The following CMIP variants were observed in gnomAD, a reference collection of about 807,000 sequenced individuals.
CMIP encodes C-Maf-inducing protein.
Under a neutral mutation model 97.3 loss-of-function variants are expected in CMIP, and 13 were observed. The ratio of observed to expected loss-of-function variants is 0.13; its 90% confidence interval spans 0.09 to 0.21. The LOEUF (loss-of-function observed/expected upper bound fraction) is 0.21, where lower values mean the gene tolerates loss of function less well. CMIP is among the 10% of genes least tolerant of loss of function. CMIP has a pLI of 1.00. For synonymous variants in CMIP, 538 were observed against 436.3 expected, an observed-to-expected ratio of 1.23 and a Z score of -2.91; for missense variants, 847 against 1,024.9, an observed-to-expected ratio of 0.83 and a Z score of 2.37.
At chr16:81,542,313 C>T (rs531119631) in intron 1 of CMIP, among the ~76,000 whole-genome samples, 152 of 152,284 alleles carry the variant, frequency 1.0e-3, no homozygotes, top group African/African-American at 3.5e-3. Flanking sequence ...ATTAAATGCT[C>T]GGACACCCCA....
At chr16:81,588,738 C>A (rs543257556) in intron 1 of CMIP, among the ~76,000 whole-genome samples, 1 of 152,146 alleles carries the variant, frequency 6.6e-6, no homozygotes, top group African/African-American at 2.4e-5. Context: ...CTGTGAAAGC[C>A]GGTGTGCTGT....
intron 1 of CMIP, among the ~76,000 whole-genome samples, chr16:81,488,306 A>C (rs2089351833): frequency 6.6e-6 from 1 of 152,056 alleles, no homozygotes; most frequent in Non-Finnish European, 1.5e-5. Flanking sequence ...TCCACTTCCT[A>C]GTGGGTGACC....
chr16:81,454,385 T>C (rs577276130), intron 1 of CMIP, among the ~76,000 whole-genome samples: 1 of 152,336 alleles, frequency 6.6e-6, no homozygotes, highest in East Asian at 1.9e-4. Context: ...GGTCCATCAA[T>C]GTATATGCAC....
In CMIP at chr16:81,574,880, G is replaced by A. The variant is rs111913741; in HGVS notation, c.301-32687G>A. The stretch of plus-strand genomic sequence containing the variant: ...GGGCAAGGACAGGATTGTCCCCTGC[G>A]TATCCTAAGCCCCTCCACAGTAGCT... On this transcript the variant is annotated intron_variant, in intron 1 of 20. Coordinates refer to ENST00000537098, the MANE Select transcript of CMIP (RefSeq NM_198390.3). Among the ~76,000 whole-genome samples the A allele has an allele frequency of 1.7e-4, 26 of 152,302 alleles. No homozygotes were observed. The East Asian group carries it at 3.3e-3, about 19-fold the overall frequency.
intron 1 of CMIP, among the ~76,000 whole-genome samples, chr16:81,573,758 C>G (rs1597104269): frequency 6.6e-6 from 1 of 152,172 alleles, no homozygotes; most frequent in Non-Finnish European, 1.5e-5. Flanking sequence ...TCATTCCTAC[C>G]TCCCTGGGTG....
At chr16:81,689,894 C>G (rs867741252) in intron 10 of CMIP, among the ~76,000 whole-genome samples, 7 of 152,282 alleles carry the variant, frequency 4.6e-5, no homozygotes, top group African/African-American at 1.7e-4. Context: ...TTTCCCAGCA[C>G]CATTTATCAA....
At chr16:81,669,352 A>C (rs939406707) in intron 7 of CMIP, among the ~76,000 whole-genome samples, 4 of 26,350 alleles carry the variant, frequency 1.5e-4, no homozygotes, top group African/African-American at 2.6e-4. Flanking sequence ...CACCCCTCTC[A>C]CCTCCTTCCA....
chr16:81,709,560 A>C (rs1908530624), intron 20 of CMIP, among the ~76,000 whole-genome samples, 186 bp from the exon 21 acceptor site: 1 of 152,184 alleles, frequency 6.6e-6, no homozygotes. Context: ...GGGCCAGGGC[A>C]CATCCCACCT....
intron 1 of CMIP, among the ~76,000 whole-genome samples, chr16:81,448,270 A>G (rs1270198087): frequency 1.3e-5 from 2 of 152,208 alleles, no homozygotes; most frequent in Non-Finnish European, 2.9e-5. Context: ...CAGGAACAAG[A>G]CCCAGAGTGA....
intron 1 of CMIP, among the ~76,000 whole-genome samples, chr16:81,587,883 G>A (rs1013023632): frequency 6.6e-6 from 1 of 152,234 alleles, no homozygotes; most frequent in African/African-American, 2.4e-5. Flanking sequence ...TGGACAGCCA[G>A]TGTGCGGGTG....
At position 81,573,944 on chromosome 16, in the gene CMIP, A is replaced by C. The variant is rs4316746; in HGVS notation, c.301-33623A>C. 2.8e-4 allele frequency among the ~76,000 whole-genome samples: 43 copies of C among 151,838 alleles called. 1 individual carries two copies. Among genetic ancestry groups the C allele is most frequent in the African/African-American group, 1.0e-3 (43 of 41,384 alleles). On this transcript the variant is annotated intron_variant, in intron 1 of 20. Coordinates refer to ENST00000537098, the MANE Select transcript of CMIP (RefSeq NM_198390.3). ...TCGTTTCACCTACCCTCCATTTTCTACCAACTTTTGGGGGCGCCATTTAAC... is the reference window on the plus strand; with the variant it reads ...TCGTTTCACCTACCCTCCATTTTCTCCCAACTTTTGGGGGCGCCATTTAAC...
At chr16:81,476,181 G>A (rs1234694527) in intron 1 of CMIP, 4 of 1,242,156 alleles carry the variant, frequency 3.2e-6, no homozygotes, top group African/African-American at 3.0e-5. Context: ...CAGTGCGTGT[G>A]GAAAACTGGG....
At chr16:81,533,083 A>G (rs1475509237) in intron 1 of CMIP, among the ~76,000 whole-genome samples, 3 of 151,986 alleles carry the variant, frequency 2.0e-5, no homozygotes, top group African/African-American at 4.8e-5. Context: ...ATCCATCCAA[A>G]AAGTTGGCAC....
At chr16:81,461,693 AC>A (rs1268082809) in intron 1 of CMIP, among the ~76,000 whole-genome samples, 2 of 152,208 alleles carry the variant, frequency 1.3e-5, no homozygotes, top group African/African-American at 4.8e-5. Flanking sequence ...TTTGGGTTAA[AC>A]AAAGTGTGGT....
intron 3 of CMIP, chr16:81,645,753 C>A: frequency 1.3e-6 from 1 of 772,296 alleles, no homozygotes; most frequent in Non-Finnish European, 2.2e-6. Flanking sequence ...TGAGTTCTAC[C>A]TCCCTGGACT....
At chr16:81,620,567 C>T in intron 2 of CMIP, 1 of 307,862 alleles carries the variant, frequency 3.2e-6, no homozygotes, top group Non-Finnish European at 6.2e-6. Context: ...CCCTCCCATG[C>T]CCCTAAGTCC....
chr16:81,659,333 T>C (rs1354626448), intron 5 of CMIP, among the ~76,000 whole-genome samples: 2 of 151,850 alleles, frequency 1.3e-5, no homozygotes, highest in African/African-American at 4.8e-5. Context: ...AAAAATAACA[T>C]GGCCAAGGGC....
intron 5 of CMIP, among the ~76,000 whole-genome samples, chr16:81,659,098 C>T (rs2092516735): frequency 6.6e-6 from 1 of 152,186 alleles, no homozygotes; most frequent in African/African-American, 2.4e-5. Context: ...CTGTCCATTG[C>T]CTTCTCTTGC....
At chr16:81,521,408 C>T (rs1452123783) in intron 1 of CMIP, among the ~76,000 whole-genome samples, 1 of 152,084 alleles carries the variant, frequency 6.6e-6, no homozygotes. Flanking sequence ...ACGAGCTGCC[C>T]CCGCTGTCGT....
Sources: gnomAD v4.1 joint callset for allele counts (sites outside exome capture counted in the v4.1 genomes callset) on GRCh38, gnomAD v4.1.1 for gene constraint, MANE v1.5 for transcripts, NCBI Gene and HGNC (gene_info 2026-07-23, HGNC 2026-07-21) for gene names.